CD247: variants seen among roughly 807,000 people sequenced by gnomAD.
The protein encoded by CD247 is T-cell surface glycoprotein CD3 zeta chain.
Under a neutral mutation model 30.0 loss-of-function variants are expected in CD247, and 13 were observed. The observed-to-expected ratio is 0.43, with a 90% CI of 0.28 to 0.69. The LOEUF (loss-of-function observed/expected upper bound fraction) is 0.69, where lower values mean the gene tolerates loss of function less well. CD247 is among the 30% of genes least tolerant of loss of function. CD247 has a pLI of 0.16. For missense variants in CD247, 193 were observed against 212.6 expected (o/e 0.91, Z 0.57); for synonymous variants, 72 against 80.0 (o/e 0.90, Z 0.53).
At chr1:167,492,967 A>G (rs926955775) in intron 1 of CD247, among the ~76,000 whole-genome samples, 8 of 149,912 alleles carry the variant, frequency 5.3e-5, no homozygotes, top group Non-Finnish European at 1.2e-4. Context: ...AAGTTATTGC[A>G]GTTGCTGCCC....
At chr1:167,435,374 C>T in intron 5 of CD247, 25 bp downstream of exon 5, 1 of 1,591,620 alleles carries the variant, frequency 6.3e-7, no homozygotes, top group Non-Finnish European at 8.6e-7. Flanking sequence ...TTTCCAAGGT[C>T]AAATGTGAGG....
intron 1 of CD247, among the ~76,000 whole-genome samples, chr1:167,480,323 T>A (rs1653926666): frequency 6.6e-6 from 1 of 152,132 alleles, no homozygotes; most frequent in South Asian, 2.1e-4. Flanking sequence ...ATAGGGTTAA[T>A]TTAGTTGGAG....
chr1:167,493,523 T>C (rs975799257), intron 1 of CD247, among the ~76,000 whole-genome samples: 1 of 152,194 alleles, frequency 6.6e-6, no homozygotes, highest in Non-Finnish European at 1.5e-5. Flanking sequence ...TATCTTTGGG[T>C]CCTCACAACA....
intron 1 of CD247, among the ~76,000 whole-genome samples, chr1:167,499,583 A>G (rs1226108442): frequency 6.6e-6 from 1 of 152,192 alleles, no homozygotes; most frequent in Non-Finnish European, 1.5e-5. Flanking sequence ...TCAGGAATGG[A>G]AAATTTAACC....
chr1:167,434,453 G>C (rs558435071), intron 5 of CD247: 1 of 359,014 alleles, frequency 2.8e-6, no homozygotes, highest in Non-Finnish European at 5.4e-6. Context: ...ACAGCCAAAC[G>C]GGCTGTAGAT....
intron 1 of CD247, among the ~76,000 whole-genome samples, chr1:167,500,501 CACATATGT>C (rs1234520047): frequency 6.6e-6 from 1 of 152,206 alleles, no homozygotes; most frequent in Non-Finnish European, 1.5e-5. Flanking sequence ...GTGGCCTGTA[CACATATGT>C]GTTGTTTATT....
intron 1 of CD247, among the ~76,000 whole-genome samples, chr1:167,469,766 T>C (rs906167605): frequency 1.3e-5 from 2 of 152,162 alleles, no homozygotes; most frequent in Middle Eastern, 3.2e-3. Flanking sequence ...TGGCCTCCTA[T>C]GGTCACTGGG....
At chr1:167,506,321 TTTC>T (rs971314911) in intron 1 of CD247, among the ~76,000 whole-genome samples, 12 of 138,240 alleles carry the variant, frequency 8.7e-5, no homozygotes, top group Non-Finnish European at 1.2e-4. Flanking sequence ...TTTCTTTTCT[TTTC>T]TTTTTTCTTT....
At chr1:167,435,769 A>G (rs1651518178) in intron 4 of CD247, among the ~76,000 whole-genome samples, 1 of 152,252 alleles carries the variant, frequency 6.6e-6, no homozygotes, top group African/African-American at 2.4e-5. Flanking sequence ...GGAGTCACAT[A>G]CCATCATTTG....
chr1:167,438,020 G>A (rs1651627873), intron 4 of CD247, among the ~76,000 whole-genome samples: 2 of 150,758 alleles, frequency 1.3e-5, no homozygotes, highest in African/African-American at 4.9e-5. Flanking sequence ...AATAAAGACA[G>A]AGGAAGGAAG....
intron 5 of CD247, chr1:167,434,859 C>T: frequency 2.2e-6 from 1 of 463,294 alleles, no homozygotes; most frequent in Non-Finnish European, 4.3e-6. Flanking sequence ...AAGGGAAGGT[C>T]TGGACAGACA....
intron 1 of CD247, chr1:167,448,553 G>A (rs1423694104): frequency 1.0e-6 from 1 of 985,004 alleles, no homozygotes; most frequent in Non-Finnish European, 1.2e-6. Flanking sequence ...ACTGCCCAGT[G>A]CTTATAGCAA....
chr1:167,434,752 G>A, intron 5 of CD247: 1 of 454,214 alleles, frequency 2.2e-6, no homozygotes, highest in Non-Finnish European at 4.4e-6. Context: ...GGTTTGGGGA[G>A]GGAAGGGAGA....
At chr1:167,453,802 A>G (rs543548219) in intron 1 of CD247, among the ~76,000 whole-genome samples, 2 of 152,114 alleles carry the variant, frequency 1.3e-5, no homozygotes, top group Non-Finnish European at 2.9e-5. Flanking sequence ...AATAATGACA[A>G]TAACAAAATT....
chr1:167,469,349 G>A (rs915313162), intron 1 of CD247, among the ~76,000 whole-genome samples: 4 of 152,194 alleles, frequency 2.6e-5, no homozygotes, highest in South Asian at 2.1e-4. Context: ...GGCCCACAGA[G>A]CTAAGGAGTT....
intron 1 of CD247, among the ~76,000 whole-genome samples, chr1:167,450,407 T>A (rs1652299187): frequency 6.6e-6 from 1 of 151,836 alleles, no homozygotes; most frequent in Non-Finnish European, 1.5e-5. Flanking sequence ...GGTGCGAGGA[T>A]CACTTGAGCC....
intron 2 of CD247, chr1:167,439,708 T>G: frequency 2.8e-5 from 12 of 435,070 alleles, no homozygotes; most frequent in Non-Finnish European, 8.5e-6. Flanking sequence ...GTTCTTGGTC[T>G]GCGCCCCCGG....
intron 1 of CD247, among the ~76,000 whole-genome samples, chr1:167,462,146 G>T (rs1331701658): frequency 6.6e-6 from 1 of 152,164 alleles, no homozygotes; most frequent in Admixed American, 6.5e-5. Context: ...TGGAGCCCAG[G>T]CCCTCTCCCC....
intron 1 of CD247, among the ~76,000 whole-genome samples, chr1:167,483,015 T>TCTTTCTTTCTTTCTTTCTTTC (rs201265842): frequency 1.2e-3 from 171 of 139,560 alleles, no homozygotes; most frequent in Middle Eastern, 3.7e-3. Context: ...TTTCTTTCTT[T>TCTTTCTTTCTTTCTTTCTTTC]TTTTTTTTTT....
Sources: allele counts gnomAD v4.1 joint callset (sites outside exome capture counted in the v4.1 genomes callset), GRCh38; gene constraint gnomAD v4.1.1; transcripts MANE v1.5; gene names NCBI Gene and HGNC (gene_info 2026-07-23, HGNC 2026-07-21).